The following PKP4 variants were observed in gnomAD, a reference collection of about 807,000 sequenced individuals.
The protein encoded by PKP4 is plakophilin 4, also known as plakophilin-4.
Under a neutral mutation model 145.1 loss-of-function variants are expected in PKP4, and 90 were observed. The ratio of observed to expected loss-of-function variants is 0.62; its 90% CI spans 0.52 to 0.74. The LOEUF (loss-of-function observed/expected upper bound fraction) is 0.74, where lower values mean the gene tolerates loss of function less well. Among genes scored for constraint, PKP4 ranks in the 30% least tolerant of loss-of-function variants. The probability of loss-of-function intolerance (pLI) is 0.00; values close to 1 mark genes in which losing one functional copy is unlikely to be tolerated. For synonymous variants in PKP4, 563 were observed against 577.2 expected (o/e 0.98, Z 0.35); for missense variants, 1,340 against 1,482.7 (o/e 0.90, Z 1.58).
At chr2:158,587,146 A>G (rs1382820859) in intron 3 of PKP4, among the ~76,000 whole-genome samples, 4 of 152,210 alleles carry the variant, frequency 2.6e-5, no homozygotes, top group African/African-American at 7.2e-5. Context: ...GGTTAATAGC[A>G]TAAATGTTTC....
intron 6 of PKP4, among the ~76,000 whole-genome samples, chr2:158,624,411 A>G (rs976204400): frequency 2.6e-5 from 4 of 152,232 alleles, no homozygotes; most frequent in Admixed American, 2.6e-4. Flanking sequence ...CTACATTTAG[A>G]CTGATATATT....
Position 158,678,640 on chromosome 2 carries a change from A to T in PKP4, c.3316A>T (p.Asn1106Tyr). The T allele has an allele frequency of 6.3e-7, 1 of 1,598,392 alleles. No individual in the cohort carries two copies. The highest frequency in any genetic ancestry group is 8.6e-7 in the Non-Finnish European group (1 of 1,165,708). The change falls in exon 21 of 22, where the codon AAT (asparagine) becomes TAT (tyrosine). Residue 1106 changes from asparagine to tyrosine, a missense_variant. Asn to Tyr is a moderately radical substitution (Grantham distance 143). Coordinates refer to ENST00000389759, the MANE Select transcript of PKP4 (RefSeq NM_003628.6). ...CTATTCCTCACCAGCAAGAGAACAA[A>T]ATAGACGGCTACAGGTGAATTTGCA... Reference protein sequence around the residue: ...SSYSSPAREQNRRLQHQQLYY... With the variant: ...SSYSSPAREQYRRLQHQQLYY...
chr2:158,481,316 A>C (rs868470024), intron 1 of PKP4, among the ~76,000 whole-genome samples: 1 of 152,084 alleles, frequency 6.6e-6, no homozygotes, highest in Admixed American at 6.5e-5. Context: ...GATTGTTTCC[A>C]TGTTTTTGGC....
chr2:158,636,515 G>A (rs2053823948), intron 9 of PKP4, among the ~76,000 whole-genome samples: 1 of 151,966 alleles, frequency 6.6e-6, no homozygotes, highest in Non-Finnish European at 1.5e-5. Flanking sequence ...CATTTAACCT[G>A]CTTAGGGTTC....
intron 1 of PKP4, among the ~76,000 whole-genome samples, chr2:158,459,576 G>T (rs1182779996): frequency 6.6e-6 from 1 of 152,142 alleles, no homozygotes; most frequent in Non-Finnish European, 1.5e-5. Flanking sequence ...TAATTTAGAG[G>T]TTTAATTTGT....
intron 1 of PKP4, among the ~76,000 whole-genome samples, chr2:158,499,365 C>G (rs1696224331): frequency 6.6e-6 from 1 of 152,100 alleles, no homozygotes; most frequent in Non-Finnish European, 1.5e-5. Flanking sequence ...CCATGTAGTA[C>G]CTGTTAGTGA....
chr2:158,526,671 A>G (rs11532572), intron 1 of PKP4, among the ~76,000 whole-genome samples: 4 of 91,784 alleles, frequency 4.4e-5, no homozygotes, highest in East Asian at 6.0e-4. Context: ...AGGGTATTCA[A>G]TTAGGAAAAG....
intron 19 of PKP4, 97 bp downstream of exon 19, chr2:158,674,097 C>T: frequency 1.3e-6 from 1 of 785,762 alleles, no homozygotes; most frequent in South Asian, 1.4e-5. Flanking sequence ...TTAAGCCTGT[C>T]ATCTCCAACA....
intron 2 of PKP4, among the ~76,000 whole-genome samples, chr2:158,576,048 T>A (rs1196656298): frequency 6.6e-6 from 1 of 152,180 alleles, no homozygotes; most frequent in Non-Finnish European, 1.5e-5. Context: ...CCCTGTCCAA[T>A]ACTGCCACAC....
chr2:158,588,045 C>G (rs2048952192), intron 3 of PKP4, among the ~76,000 whole-genome samples: 1 of 151,822 alleles, frequency 6.6e-6, no homozygotes, highest in Non-Finnish European at 1.5e-5. Flanking sequence ...TTTAACTGCT[C>G]TTGTATATTT....
rs1415108164 is a variant in PKP4, at chr2:158,673,719, T to A, written c.2967T>A (p.Asn989Lys). The A allele has an allele frequency of 6.2e-7, 1 of 1,613,430 alleles. No homozygotes were observed. The highest frequency in any genetic ancestry group is 1.3e-5 in the African/African-American group (1 of 75,038). ...TGAAGGCAGCAGCCCAGGTCTTGAA[T>A]ACATTATGGCAATATCGGGACCTCC... ...KVVKAAAQVL[N>K]TLWQYRDLRS... is the part of the protein sequence containing the mutation. Residue 989 changes from asparagine (N) to lysine (K), a missense_variant, in exon 18 of 22, where the codon AAT becomes AAA. Transcript: ENST00000389759.
chr2:158,478,426 G>T (rs148979608), intron 1 of PKP4, among the ~76,000 whole-genome samples: 17 of 152,136 alleles, frequency 1.1e-4, no homozygotes, highest in African/African-American at 4.1e-4. Context: ...TGTGTTTAAA[G>T]ACATTAACAT....
At chr2:158,563,098 T>C (rs2046681755) in intron 2 of PKP4, among the ~76,000 whole-genome samples, 1 of 152,184 alleles carries the variant, frequency 6.6e-6, no homozygotes, top group South Asian at 2.1e-4. Flanking sequence ...TTTTACAGCA[T>C]ATATATTTAA....
rs1438928110 is a variant in PKP4, at chr2:158,492,107, C to T, written c.-6+34889C>T. Reference sequence around the variant, plus strand: ...TACAGGCTTGACCCACTGCACCGGGCCCCTTTTTTTAACTTTATAGTTTTA... The same window carrying T: ...TACAGGCTTGACCCACTGCACCGGGTCCCTTTTTTTAACTTTATAGTTTTA... On this transcript the variant is annotated intron_variant, in intron 1 of 21. Coordinates refer to ENST00000389759, the MANE Select transcript of PKP4 (RefSeq NM_003628.6). Among the ~76,000 whole-genome samples, 3 of 152,000 alleles carry T rather than the reference C, an allele frequency of 2.0e-5. No homozygotes were observed. The East Asian group carries it at 5.8e-4, about 29-fold the overall frequency.
intron 10 of PKP4, among the ~76,000 whole-genome samples, chr2:158,641,785 T>G (rs1349116289): frequency 6.6e-6 from 1 of 152,180 alleles, no homozygotes; most frequent in African/African-American, 2.4e-5. Flanking sequence ...CTAAATAACT[T>G]AAGTCAAAAA....
intron 1 of PKP4, among the ~76,000 whole-genome samples, chr2:158,478,394 A>T (rs1425274127): frequency 2.0e-5 from 3 of 151,970 alleles, no homozygotes; most frequent in Non-Finnish European, 4.4e-5. Context: ...GACTATGCCG[A>T]TAGTAGTGTT....
At chr2:158,611,944 A>G (rs972379047) in intron 4 of PKP4, among the ~76,000 whole-genome samples, 1 of 152,138 alleles carries the variant, frequency 6.6e-6, no homozygotes, top group Non-Finnish European at 1.5e-5. Flanking sequence ...CTGCAGTGCT[A>G]TAGCTTCCTG....
intron 1 of PKP4, among the ~76,000 whole-genome samples, chr2:158,531,403 C>G (rs1012038591): frequency 1.3e-5 from 2 of 152,058 alleles, no homozygotes; most frequent in African/African-American, 4.8e-5. Context: ...TTGCAACCAT[C>G]TGCTTATTTT....
chr2:158,560,839 C>T (rs1047222210), intron 2 of PKP4, among the ~76,000 whole-genome samples: 2 of 152,130 alleles, frequency 1.3e-5, no homozygotes, highest in African/African-American at 2.4e-5. Context: ...AGTGACTTGT[C>T]TAATATTATA....
Sources: allele counts gnomAD v4.1 joint callset (sites outside exome capture counted in the v4.1 genomes callset), GRCh38; gene constraint gnomAD v4.1.1; transcripts MANE v1.5; gene names NCBI Gene and HGNC (gene_info 2026-07-23, HGNC 2026-07-21).